Variants in IHH observed in about 807,000 individuals in gnomAD.
IHH encodes Indian hedgehog signaling molecule, also known as indian hedgehog protein.
IHH carries 9 observed loss-of-function variants against 29.4 expected under a neutral mutation model. The observed-to-expected ratio is 0.31, with a 90% CI of 0.18 to 0.53. The LOEUF is 0.53. Ranked by LOEUF, IHH falls within the 20% of genes least tolerant of loss-of-function variation. The pLI, the probability that IHH is intolerant of heterozygous loss-of-function variation, is 0.95. For synonymous variants in IHH, 254 were observed against 252.7 expected, an observed-to-expected ratio of 1.01 and a Z score of -0.05; for missense variants, 454 against 578.1, an observed-to-expected ratio of 0.79 and a Z score of 2.20.
Position 219,057,469 on chromosome 2 carries a change from CG to C in IHH, c.540del (p.Tyr180Ter). On this transcript the variant is annotated frameshift_variant, in exon 2 of 3. Coordinates refer to ENST00000295731, the MANE Select transcript of IHH (RefSeq NM_002181.4). LOFTEE classifies it high-confidence loss of function. Reference protein sequence around the residue: ...AVEAGFDWVYYESKAHVHCSV... With the variant: ...AVEAGFDWVYXESKAHVHCSV... ...GAGCAATGCACGTGGGCCTTTGACT[CG>C]TAATACACCCAGTCAAAGCCGGCCT... The C allele has an allele frequency of 6.2e-7, 1 of 1,603,802 alleles. No homozygotes were observed. The highest frequency in any genetic ancestry group is 8.5e-7 in the Non-Finnish European group (1 of 1,175,358).
At chr2:219,057,250 C>T (rs1053113465) in intron 2 of IHH, among the ~76,000 whole-genome samples, 183 bp downstream of exon 2, 1 of 152,244 alleles carries the variant, frequency 6.6e-6, no homozygotes, top group African/African-American at 2.4e-5. Flanking sequence ...TACCATGACA[C>T]TGCCAGGCAT....
At position 219,059,941 on chromosome 2, in the gene IHH, CTTCT is replaced by C. The variant is rs1948865898; in HGVS notation, c.315+208_315+211del. ...CTGTGGGGCTTGGCAGCGGGGAGCT[CTTCT>C]AGCAGTCTCCTCCGGGCTTGGGGAT... On this transcript the variant is annotated intron_variant, in intron 1 of 2. Coordinates refer to ENST00000295731, the MANE Select transcript of IHH (RefSeq NM_002181.4). This position sits in a 1 kb window ranked among gnomAD's most constrained non-coding sequence, Gnocchi z 4.7. Among the ~76,000 whole-genome samples, 1 of 152,102 alleles carries C rather than the reference CTTCT, an allele frequency of 6.6e-6. No individual in the cohort carries two copies. Among genetic ancestry groups the C allele is most frequent in the African/African-American group, 2.4e-5 (1 of 41,420 alleles).
rs763118291 is a variant in IHH at position 219,055,221 on chromosome 2, CG to C, written c.1221del (p.Ala409GlnfsTer33). ...GTGGAGTCCTTTCAGCTCCCTGCCC[CG>C]GACATGCCCAGTGGGTGGAAGCTGC... The part of the protein sequence containing the change: ...EEGSFHPLGM[S>X]GAGS On this transcript the variant is annotated frameshift_variant, in exon 3 of 3. Coordinates refer to ENST00000295731, the MANE Select transcript of IHH (RefSeq NM_002181.4). LOFTEE classifies it high-confidence loss of function. The C allele has an allele frequency of 3.8e-6, 6 of 1,581,732 alleles. No individual in the cohort carries two copies. In the South Asian group the frequency reaches 5.7e-5, roughly 15 times the overall value.
In IHH at chr2:219,059,881, C is replaced by T. The variant is rs769697001; in HGVS notation, c.315+272G>A. On this transcript the variant is annotated intron_variant, in intron 1 of 2. Transcript: ENST00000295731. The surrounding 1 kb of genome is among the most constrained non-coding windows in gnomAD (Gnocchi z 4.7). Reference sequence around the variant, plus strand: ...GCAGCGTCTGGCTGAGCTGCCAGTACTTTGGGGCAGAGGAGCCGCCGCCAA... The same window carrying T: ...GCAGCGTCTGGCTGAGCTGCCAGTATTTTGGGGCAGAGGAGCCGCCGCCAA... 6.6e-6 allele frequency among the ~76,000 whole-genome samples: 1 copy of T among 152,208 alleles called. No homozygotes were observed. The highest frequency in any genetic ancestry group is 1.5e-5 in the Non-Finnish European group (1 of 68,028).
chr2:219,058,596 G>T (rs1332233766), intron 1 of IHH: 1 of 154,320 alleles, frequency 6.5e-6, no homozygotes, highest in South Asian at 2.0e-4. Flanking sequence ...GTAGAGCCGC[G>T]CCCTGGGGGA....
chr2:219,057,510 G>T lies in IHH; in HGVS notation c.500C>A (p.Ala167Glu). 1 of 1,613,760 alleles carries T rather than the reference G, an allele frequency of 6.2e-7. No individual in the cohort carries two copies. The highest frequency in any genetic ancestry group is 8.5e-7 in the Non-Finnish European group (1 of 1,179,926). ...DRDRNKYGLL[A>E]RLAVEAGFDW... ...AAAGCCGGCCTCCACTGCCAAGCGC[G>T]CCAGCAGTCCATACTTATTGCGGTC... Residue 167 changes from alanine (A) to glutamate (E), a missense_variant, in exon 2 of 3, where the codon GCG (alanine) becomes GAG (glutamate). By Grantham distance (107) the Ala-to-Glu change is moderately radical. Around this residue, in one of 3 missense-constraint regions of IHH, gnomAD observed 70 missense variants for 140.1 expected, o/e 0.50. Coordinates refer to ENST00000295731, the MANE Select transcript of IHH (RefSeq NM_002181.4).
chr2:219,055,855 G>C lies in IHH; in HGVS notation c.588C>G (p.Ala196=). The change falls in exon 3 of 3, where the codon GCC becomes GCG. Residue 196 remains alanine, a synonymous_variant. Coordinates refer to ENST00000295731, the MANE Select transcript of IHH (RefSeq NM_002181.4). The stretch of plus-strand genomic sequence containing the variant: ...GGAAGCAGCCGCCCGTCTTGGCTGC[G>C]GCCGAGTGCTCTGTGGGAGAAAGGG... ...VHCSVKSEHS[A]AAKTGGCFPA... 5 of 1,607,592 alleles carry C rather than the reference G, an allele frequency of 3.1e-6. No homozygotes were observed. Among genetic ancestry groups the C allele is most frequent in the Middle Eastern group, 1.7e-4 (1 of 6,052 alleles).
At chr2:219,056,775 T>C (rs1948836307) in intron 2 of IHH, among the ~76,000 whole-genome samples, 1 of 151,966 alleles carries the variant, frequency 6.6e-6, no homozygotes, top group Non-Finnish European at 1.5e-5. Context: ...CTGGGTTCAG[T>C]GTAGGTGACA....
chr2:219,060,350 G>T lies in IHH; in HGVS notation c.118C>A (p.Pro40Thr), dbSNP rs749484451. The T allele has an allele frequency of 1.2e-6, 2 of 1,606,310 alleles. No homozygotes were observed. The highest frequency in any genetic ancestry group is 1.3e-5 in the African/African-American group (1 of 74,894). Residue 40 changes from proline to threonine, a missense_variant, in exon 1 of 3, where the codon CCG becomes ACG. Pro to Thr is a conservative substitution (Grantham distance 38). Transcript: ENST00000295731. This position sits in a 1 kb window ranked among gnomAD's most constrained non-coding sequence, Gnocchi z 8.8. ...PGRVVGSRRR[P>T]PRKLVPLAYK... The stretch of plus-strand genomic sequence containing the variant: ...GCGAGCGGCACGAGTTTGCGTGGCG[G>T]TCGCCGGCGGCTGCCCACCACCCGA...
Position 219,055,262 on chromosome 2 carries a change from A to C in IHH, c.1181T>G (p.Leu394Arg), listed in dbSNP as rs1174114135. 1.2e-5 allele frequency: 20 copies of C among 1,608,508 alleles called. No individual in the cohort carries two copies. Among genetic ancestry groups the C allele is most frequent in the Non-Finnish European group, 1.7e-5 (20 of 1,177,906 alleles). ...YPQLLYRLGR[L>R]LLEEGSFHPL... is the part of the protein sequence containing the mutation. Reference sequence around the variant, plus strand: ...GTGGAAGCTGCCCTCTTCTAGCAGGAGACGCCCCAGGCGGTAGAGCAGCTG... The same window carrying C: ...GTGGAAGCTGCCCTCTTCTAGCAGGCGACGCCCCAGGCGGTAGAGCAGCTG... Residue 394 changes from leucine to arginine, a missense_variant, in exon 3 of 3, where the codon CTC (leucine) becomes CGC (arginine). Physicochemically the swap from Leu to Arg is moderately radical, Grantham distance 102. This residue lies in a region of IHH where 271 missense variants were observed against 315.9 expected (regional missense o/e 0.86). Coordinates refer to ENST00000295731, the MANE Select transcript of IHH (RefSeq NM_002181.4).
chr2:219,059,606 T>C lies in IHH; in HGVS notation c.315+547A>G, dbSNP rs1263109246. Among the ~76,000 whole-genome samples the C allele has an allele frequency of 3.9e-5, 6 of 152,216 alleles. No individual in the cohort carries two copies. Among genetic ancestry groups the C allele is most frequent in the Admixed American group, 3.9e-4 (6 of 15,304 alleles). ...TCCTTTTCCCACCTCCGCCTCCCGA[T>C]TCAACTCTTCCTCGCTGTTCTTAAC... On this transcript the variant is annotated intron_variant, in intron 1 of 2. Coordinates refer to ENST00000295731, the MANE Select transcript of IHH (RefSeq NM_002181.4). The surrounding 1 kb of genome is among the most constrained non-coding windows in gnomAD (Gnocchi z 4.7).
In IHH at chr2:219,055,858, C is replaced by T. The variant is rs745480431; in HGVS notation, c.585G>A (p.Ser195=). The change falls in exon 3 of 3, where the codon TCG becomes TCA. Residue 195 remains serine (S), a synonymous_variant. Coordinates refer to ENST00000295731, the MANE Select transcript of IHH (RefSeq NM_002181.4). ...AGCAGCCGCCCGTCTTGGCTGCGGC[C>T]GAGTGCTCTGTGGGAGAAAGGGACA... The part of the protein sequence containing the change: ...HVHCSVKSEH[S]AAAKTGGCFP... 2.3e-5 allele frequency: 37 copies of T among 1,606,960 alleles called. No individual in the cohort carries two copies. The highest frequency in any genetic ancestry group is 1.3e-4 in the Admixed American group (8 of 59,964).
At position 219,057,679 on chromosome 2, in the gene IHH, G is replaced by A. The variant is rs1308935915; in HGVS notation, c.331C>T (p.Leu111=). 1 of 1,608,210 alleles carries A rather than the reference G, an allele frequency of 6.2e-7. No homozygotes were observed. The highest frequency in any genetic ancestry group is 8.5e-7 in the Non-Finnish European group (1 of 1,179,990). Residue 111 remains leucine (L), a synonymous_variant, in exon 2 of 3, where the codon CTG becomes TTG. Coordinates refer to ENST00000295731, the MANE Select transcript of IHH (RefSeq NM_002181.4). Reference sequence around the variant, plus strand: ...ATCACCGAGATAGCCAGCGAGTTCAGGCGGTCCTTGCAGCGCTGGGAGAGG... The same window carrying A: ...ATCACCGAGATAGCCAGCGAGTTCAAGCGGTCCTTGCAGCGCTGGGAGAGG... ...RLMTQRCKDR[L]NSLAISVMNQ... is the part of the protein sequence containing the mutation.
In IHH at chr2:219,060,123, C is replaced by A. The variant is rs753602386; in HGVS notation, c.315+30G>T. 10 of 1,585,972 alleles carry A rather than the reference C, an allele frequency of 6.3e-6. No individual in the cohort carries two copies. Among genetic ancestry groups the A allele is most frequent in the Non-Finnish European group, 7.7e-6 (9 of 1,163,306 alleles). ...CGGGCAGGTGGCCGTGCTTCGGTGG[C>A]GGCGCGCTGGTAGGGCGGATCGCGC... On this transcript the variant is annotated intron_variant, in intron 1 of 2. Coordinates refer to ENST00000295731, the MANE Select transcript of IHH (RefSeq NM_002181.4). This position sits in a 1 kb window ranked among gnomAD's most constrained non-coding sequence, Gnocchi z 8.8.
intron 1 of IHH, chr2:219,058,688 G>GAGA (rs57408770): frequency 0.59 from 90,369 of 154,364 alleles, 27,487 homozygotes; most frequent in Non-Finnish European, 0.67. Flanking sequence ...AGCTGACTCT[G>GAGA]AGAAGAAGCT....
At chr2:219,058,160 T>C (rs1038398606) in intron 1 of IHH, among the ~76,000 whole-genome samples, 1 of 151,972 alleles carries the variant, frequency 6.6e-6, no homozygotes, top group Non-Finnish European at 1.5e-5. Flanking sequence ...AGGCCCGAGG[T>C]GCCCAGTAGG....
chr2:219,055,899 T>G, intron 2 of IHH, 34 bp from the exon 3 acceptor site: 1 of 1,586,828 alleles, frequency 6.3e-7, no homozygotes, highest in East Asian at 2.3e-5. Context: ...GTGTTACTGC[T>G]GTGCAGCTCA....
chr2:219,057,478 C>A lies in IHH; in HGVS notation c.532G>T (p.Val178Leu). Reference sequence around the variant, plus strand: ...ACGTGGGCCTTTGACTCGTAATACACCCAGTCAAAGCCGGCCTCCACTGCC... The same window carrying A: ...ACGTGGGCCTTTGACTCGTAATACAACCAGTCAAAGCCGGCCTCCACTGCC... Reference protein sequence around the residue: ...RLAVEAGFDWVYYESKAHVHC... With the variant: ...RLAVEAGFDWLYYESKAHVHC... The change falls in exon 2 of 3, where the codon GTG becomes TTG. Residue 178 changes from valine (V) to leucine (L), a missense_variant. By Grantham distance (32) the Val-to-Leu change is conservative. Around this residue, in one of 3 missense-constraint regions of IHH, gnomAD observed 70 missense variants for 140.1 expected, o/e 0.50. Transcript: ENST00000295731. 6.2e-7 allele frequency: 1 copy of A among 1,608,772 alleles called. No homozygotes were observed. Among genetic ancestry groups the A allele is most frequent in the Non-Finnish European group, 8.5e-7 (1 of 1,177,722 alleles).
rs1047409705 is a variant in IHH, at chr2:219,060,040, G to A, written c.315+113C>T. The A allele has an allele frequency of 9.2e-5, 86 of 935,216 alleles. No homozygotes were observed. The highest frequency in any genetic ancestry group is 1.9e-5 in the Non-Finnish European group (12 of 615,640). The allele number at this position is 935,216 out of a possible 1,614,324, so 57.9% of individuals were successfully genotyped here. ...GAGGCAGCGGGGCTTGGCGAGAGGGGCAGGTGCCAGGGAGCGTGCCAGCCA... is the reference window on the plus strand; with the variant it reads ...GAGGCAGCGGGGCTTGGCGAGAGGGACAGGTGCCAGGGAGCGTGCCAGCCA... On this transcript the variant is annotated intron_variant, in intron 1 of 2. Transcript: ENST00000295731. The surrounding 1 kb of genome is among the most constrained non-coding windows in gnomAD (Gnocchi z 8.8).
Sources: gnomAD v4.1 joint callset for allele counts (sites outside exome capture counted in the v4.1 genomes callset) on GRCh38, gnomAD v4.1.1 for gene constraint, gnomAD v4.1.1 regional missense constraint, Gnocchi (gnomAD v3.1) non-coding constraint, MANE v1.5 for transcripts, NCBI Gene and HGNC (gene_info 2026-07-23, HGNC 2026-07-21) for gene names.